Variants in INTS6 observed in about 807,000 individuals in gnomAD.
The protein encoded by INTS6 is DEAD box protein.
In INTS6, 16 loss-of-function variants were observed where a neutral mutation model predicts 104.9. The ratio of observed to expected loss-of-function variants is 0.15; its 90% CI spans 0.10 to 0.23. The LOEUF is 0.23. Among genes scored for constraint, INTS6 ranks in the 10% least tolerant of loss-of-function variants. The pLI, the probability that INTS6 is intolerant of heterozygous loss-of-function variation, is 1.00. For synonymous variants in INTS6, 324 were observed against 358.7 expected, an observed-to-expected ratio of 0.90 and a Z score of 1.09; for missense variants, 584 against 1,062.8, an observed-to-expected ratio of 0.55 and a Z score of 6.26.
rs1205634013 is a variant in INTS6, at chr13:51,395,954, C to T, written c.430-471G>A. 2.0e-5 allele frequency among the ~76,000 whole-genome samples: 3 copies of T among 152,068 alleles called. 1 individual carries two copies. Among genetic ancestry groups the T allele is most frequent in the African/African-American group, 4.8e-5 (2 of 41,400 alleles). On this transcript the variant is annotated intron_variant, in intron 4 of 17. Coordinates refer to ENST00000311234, the MANE Select transcript of INTS6 (RefSeq NM_012141.3). ...CTGGGATTACAGGTACGCAACACCACGCCCAGCTAATTTTTGTATTTTTAG... is the reference window on the plus strand; with the variant it reads ...CTGGGATTACAGGTACGCAACACCATGCCCAGCTAATTTTTGTATTTTTAG...
rs1956315853 is a variant in INTS6, at chr13:51,395,341, A to G, written c.572T>C (p.Leu191Ser). The change falls in exon 5 of 18, where the codon TTA becomes TCA. Residue 191 changes from leucine (L) to serine (S), a missense_variant. By Grantham distance (145) the Leu-to-Ser change is moderately radical. This residue lies in a region of INTS6 where 144 missense variants were observed against 348.7 expected (regional missense o/e 0.41). Transcript: ENST00000311234. ...CATTGGTGTGATTGCAGAGTCATCTAAAGGCACACCTGTCAACTGTTCTGA... is the reference window on the plus strand; with the variant it reads ...CATTGGTGTGATTGCAGAGTCATCTGAAGGCACACCTGTCAACTGTTCTGA... ...VESEQLTGVP[L>S]DDSAITPMCE... 3 of 1,612,798 alleles carry G rather than the reference A, an allele frequency of 1.9e-6. No homozygotes were observed. In the African/African-American group the frequency reaches 4.0e-5, roughly 22 times the overall value.
Position 51,449,903 on chromosome 13 carries a change from T to A in INTS6, c.339+1122A>T, listed in dbSNP as rs1952999777. 5.1e-6 allele frequency: 5 copies of A among 984,804 alleles called. No homozygotes were observed. In the South Asian group the frequency reaches 2.4e-4, roughly 46 times the overall value. 61.0% of individuals were successfully genotyped at this position (984,804 alleles called of 1,614,324 possible). The stretch of plus-strand genomic sequence containing the variant: ...ACGTTGGAAGTTCAATTTGGTAAGC[T>A]CACTCTGAATTTCAGTGTACATTTT... On this transcript the variant is annotated intron_variant, in intron 3 of 17. Coordinates refer to ENST00000311234, the MANE Select transcript of INTS6 (RefSeq NM_012141.3).
intron 4 of INTS6, among the ~76,000 whole-genome samples, chr13:51,418,566 C>A (rs572041988): frequency 2.6e-5 from 4 of 152,242 alleles, no homozygotes; most frequent in African/African-American, 9.6e-5. Flanking sequence ...AAACTTAATG[C>A]CAACCCAATT....
chr13:51,430,462 A>G, intron 3 of INTS6, 79 bp from the exon 4 acceptor site: 1 of 965,650 alleles, frequency 1.0e-6, no homozygotes. Context: ...TCAGAACAGC[A>G]TATATACGAT....
intron 3 of INTS6, among the ~76,000 whole-genome samples, chr13:51,355,541 C>T (rs940400626): frequency 1.3e-5 from 2 of 152,126 alleles, no homozygotes; most frequent in African/African-American, 2.4e-5. Flanking sequence ...TCCCTCCTTC[C>T]CAATACCTTC....
At chr13:51,450,993 C>A in intron 3 of INTS6, 32 bp downstream of exon 3, 1 of 1,459,304 alleles carries the variant, frequency 6.9e-7, no homozygotes, top group South Asian at 1.6e-5. Flanking sequence ...AATGAAAAAT[C>A]AACTATTTTG....
chr13:51,344,362 C>G, the INTS6 span: 1 of 1,613,766 alleles, frequency 6.2e-7, no homozygotes, highest in East Asian at 2.2e-5. Flanking sequence ...GGGAACGCCA[C>G]TGTCCCCCTG....
Position 51,369,224 on chromosome 13 carries a change from C to T in INTS6, c.2191G>A (p.Ala731Thr). The T allele has an allele frequency of 6.2e-7, 1 of 1,613,764 alleles. No homozygotes were observed. The highest frequency in any genetic ancestry group is 8.5e-7 in the Non-Finnish European group (1 of 1,179,810). ...DQLSSDITPN[A>T]MDTEFSASSP... ...GATGCTGAAAATTCCGTATCCATAGCATTTGGTGTAATGTCTGATGAAAGT... is the reference window on the plus strand; with the variant it reads ...GATGCTGAAAATTCCGTATCCATAGTATTTGGTGTAATGTCTGATGAAAGT... Residue 731 changes from alanine (A) to threonine (T), a missense_variant, in exon 16 of 18, where the codon GCT becomes ACT. Ala to Thr is a moderately conservative substitution (Grantham distance 58, BLOSUM62 0). Coordinates refer to ENST00000311234, the MANE Select transcript of INTS6 (RefSeq NM_012141.3).
chr13:51,429,250 T>TA (rs1957039542), intron 4 of INTS6, among the ~76,000 whole-genome samples: 1 of 152,162 alleles, frequency 6.6e-6, no homozygotes, highest in South Asian at 2.1e-4. Context: ...CCTGCTTAAT[T>TA]AAACCCTTAT....
the INTS6 span, among the ~76,000 whole-genome samples, chr13:51,336,918 G>A: frequency 1.1e-4 from 17 of 152,372 alleles, no homozygotes; most frequent in Non-Finnish European, 2.4e-4. Flanking sequence ...CCAGAGGGCC[G>A]TGTTGCAGCT....
chr13:51,344,184 G>C, the INTS6 span: 3 of 1,117,572 alleles, frequency 2.7e-6, no homozygotes, highest in African/African-American at 4.6e-5. Context: ...TGCAATGTGT[G>C]CTGGAGGTTG....
chr13:51,367,680 A>G (rs1955719440), intron 17 of INTS6, 125 bp downstream of exon 17: 1 of 525,372 alleles, frequency 1.9e-6, no homozygotes, highest in Admixed American at 4.1e-5. Flanking sequence ...GAATTTATTT[A>G]TATGTTGGTA....
intron 4 of INTS6, among the ~76,000 whole-genome samples, chr13:51,408,207 A>C (rs1474646379): frequency 6.7e-6 from 1 of 149,562 alleles, no homozygotes; most frequent in Middle Eastern, 3.5e-3. Flanking sequence ...GCAGTGGTGC[A>C]ATCTCGACTC....
chr13:51,433,169 A>C (rs9568596), intron 3 of INTS6, among the ~76,000 whole-genome samples: 6,981 of 152,254 alleles, frequency 0.046, 190 homozygotes, highest in South Asian at 0.1. Context: ...TCAGGCTGGG[A>C]GTGGTGGCTC....
chr13:51,435,933 C>T (rs548373102), intron 3 of INTS6, among the ~76,000 whole-genome samples: 1 of 152,096 alleles, frequency 6.6e-6, no homozygotes, highest in East Asian at 1.9e-4. Flanking sequence ...AAAGGCCTAA[C>T]ATGCTTATAT....
Position 51,369,336 on chromosome 13 carries a change from A to G in INTS6, c.2105-26T>C, listed in dbSNP as rs1184232140. The G allele has an allele frequency of 3.8e-6, 6 of 1,574,846 alleles. No individual in the cohort carries two copies. The South Asian group carries it at 4.7e-5, about 12-fold the overall frequency. Reference sequence around the variant, plus strand: ...CTAAAAACAAAGATACGGGGAAAAAATTATGGGATCCAGTCTCAAAGCATA... The same window carrying G: ...CTAAAAACAAAGATACGGGGAAAAAGTTATGGGATCCAGTCTCAAAGCATA... On this transcript the variant is annotated intron_variant, in intron 15 of 17. Transcript: ENST00000311234.
At chr13:51,344,637 G>C in the INTS6 span, among the ~76,000 whole-genome samples, 1 of 152,224 alleles carries the variant, frequency 6.6e-6, no homozygotes, top group African/African-American at 2.4e-5. Flanking sequence ...TGAATGACAA[G>C]GGGACACTAA....
At chr13:51,348,961 A>C in the INTS6 span, among the ~76,000 whole-genome samples, 1 of 151,620 alleles carries the variant, frequency 6.6e-6, no homozygotes, top group South Asian at 2.1e-4. Context: ...ACTCTCCTTT[A>C]AGAAGACCCA....
chr13:51,371,198 G>A (rs959544103), intron 15 of INTS6, among the ~76,000 whole-genome samples: 5 of 152,200 alleles, frequency 3.3e-5, no homozygotes, highest in African/African-American at 1.2e-4. Flanking sequence ...GAGAAGTGCT[G>A]TGGTGACTTC....
Sources: gnomAD v4.1 joint callset for allele counts (sites outside exome capture counted in the v4.1 genomes callset) on GRCh38, gnomAD v4.1.1 for gene constraint, gnomAD v4.1.1 regional missense constraint, MANE v1.5 for transcripts, NCBI Gene and HGNC (gene_info 2026-07-23, HGNC 2026-07-21) for gene names.